RPS5: variants seen among roughly 807,000 people sequenced by gnomAD.
RPS5 encodes the protein small ribosomal subunit protein uS7.
RPS5 carries 2 observed loss-of-function variants against 20.9 expected under a neutral mutation model. The ratio of observed to expected loss-of-function variants is 0.10; its 90% CI spans 0.04 to 0.30. The LOEUF (loss-of-function observed/expected upper bound fraction) is 0.30, where lower values mean the gene tolerates loss of function less well. RPS5 is among the 10% of genes least tolerant of loss of function. The pLI is 1.00. For synonymous variants in RPS5, 112 were observed against 105.8 expected, an observed-to-expected ratio of 1.06 and a Z score of -0.36; for missense variants, 122 against 287.2, an observed-to-expected ratio of 0.42 and a Z score of 4.16.
intron 2 of RPS5, among the ~76,000 whole-genome samples, chr19:58,390,905 G>T (rs1390173612): frequency 6.6e-6 from 1 of 151,968 alleles, no homozygotes; most frequent in Non-Finnish European, 1.5e-5. Context: ...TCAGTGTCCT[G>T]TGTTCTTTTC....
intron 2 of RPS5, among the ~76,000 whole-genome samples, chr19:58,392,543 T>G (rs766475197): frequency 3.3e-5 from 5 of 151,532 alleles, no homozygotes; most frequent in Non-Finnish European, 5.9e-5. Flanking sequence ...GAGAACCATT[T>G]GAACCTCGGA....
rs896999305 is a variant in RPS5 at position 58,393,667 on chromosome 19, C to T, written c.447+180C>T. 19 of 692,732 alleles carry T rather than the reference C, an allele frequency of 2.7e-5. 1 individual carries two copies. The highest frequency in any genetic ancestry group is 3.7e-5 in the Non-Finnish European group (16 of 428,656). The allele number at this position is 692,732 out of a possible 1,614,324, so 42.9% of individuals were successfully genotyped here. ...GCTGATCCAGGCTCTGGGTCCTCTT[C>T]GGGAACACATTTGGCAGAGGTCTTC... is the stretch of plus-strand genomic sequence containing the variant. On this transcript the variant is annotated intron_variant, in intron 4 of 5. Coordinates refer to ENST00000196551, the MANE Select transcript of RPS5 (RefSeq NM_001009.4).
At chr19:58,390,892 G>C (rs952915629) in intron 2 of RPS5, among the ~76,000 whole-genome samples, 2 of 152,086 alleles carry the variant, frequency 1.3e-5, no homozygotes, top group Non-Finnish European at 2.9e-5. Flanking sequence ...AGTACTGAGA[G>C]TTTCAGTGTC....
chr19:58,390,295 T>C lies in RPS5; in HGVS notation c.108+2050T>C, dbSNP rs578036086. ...TGCAACCTCTGCCTCCCCAGGGTCA[T>C]GCGACTTTCCTGCCTCAGCCTCCCG... On this transcript the variant is annotated intron_variant, in intron 2 of 5. Coordinates refer to ENST00000196551, the MANE Select transcript of RPS5 (RefSeq NM_001009.4). 2.7e-5 allele frequency among the ~76,000 whole-genome samples: 4 copies of C among 149,504 alleles called. No individual in the cohort carries two copies. In the South Asian group the frequency reaches 8.5e-4, roughly 32 times the overall value.
At chr19:58,388,285 G>T in intron 2 of RPS5, 40 bp downstream of exon 2, 1 of 1,392,670 alleles carries the variant, frequency 7.2e-7, no homozygotes, top group Non-Finnish European at 1.0e-6. Context: ...GGCTGGGGGC[G>T]GACATTATTC....
At position 58,390,453 on chromosome 19, in the gene RPS5, T is replaced by A. The variant is rs531311597; in HGVS notation, c.108+2208T>A. Among the ~76,000 whole-genome samples the A allele has an allele frequency of 3.1e-3, 411 of 132,886 alleles. 2 individuals are homozygous for A. In the East Asian group the frequency reaches 0.069, roughly 22 times the overall value. 87.2% of individuals were successfully genotyped at this position (132,886 alleles called of 152,430 possible). A position where few individuals can be genotyped will look rare whatever the true frequency, so the allele number is the denominator to read the frequency against. ...TTTTTTTTTTTTTTTTTTTTTTTTT[T>A]TTGAGATGGAGTCGCTCTGTCACCC... On this transcript the variant is annotated intron_variant, in intron 2 of 5. Transcript: ENST00000196551.
rs907048542 is a variant in RPS5, at chr19:58,393,045, C to T, written c.178C>T (p.Arg60Cys). The T allele has an allele frequency of 1.2e-6, 2 of 1,614,022 alleles. No individual in the cohort carries two copies. The highest frequency in any genetic ancestry group is 2.2e-5 in the East Asian group (1 of 44,896). The change falls in exon 3 of 6, where the codon CGC (arginine) becomes TGC (cysteine). Residue 60 changes from arginine (R) to cysteine (C), a missense_variant. This residue lies in a region of RPS5 where 9 missense variants were observed against 45.4 expected (regional missense o/e 0.20). Coordinates refer to ENST00000196551, the MANE Select transcript of RPS5 (RefSeq NM_001009.4). ...CAGTGCAGGGCGGTATGCCGCCAAACGCTTCCGCAAAGCTCAGTGTCCCAT... is the reference window on the plus strand; with the variant it reads ...CAGTGCAGGGCGGTATGCCGCCAAATGCTTCCGCAAAGCTCAGTGTCCCAT... ...PHSAGRYAAK[R>C]FRKAQCPIVE...
intron 2 of RPS5, among the ~76,000 whole-genome samples, chr19:58,391,341 A>G (rs1000458424): frequency 1.3e-5 from 2 of 149,664 alleles, no homozygotes; most frequent in Non-Finnish European, 3.0e-5. Flanking sequence ...CTGATGCAGG[A>G]GAATCGCTTG....
intron 4 of RPS5, 28 bp from the exon 5 acceptor site, chr19:58,394,466 CCTT>C (rs1303216033): frequency 2.5e-6 from 4 of 1,601,052 alleles, no homozygotes; most frequent in African/African-American, 1.3e-5. Context: ...CGCAGTCTGT[CCTT>C]CTAGCCTGAC....
chr19:58,392,848 G>A, intron 2 of RPS5, 128 bp from the exon 3 acceptor site: 1 of 800,014 alleles, frequency 1.2e-6, no homozygotes, highest in South Asian at 1.7e-5. Context: ...CCCTGTTGAG[G>A]CATACCAGGA....
chr19:58,391,633 A>G (rs1376859283), intron 2 of RPS5, among the ~76,000 whole-genome samples: 1 of 151,220 alleles, frequency 6.6e-6, no homozygotes, highest in African/African-American at 2.4e-5. Flanking sequence ...CCCAAAAACA[A>G]AAAAGTTCTC....
At position 58,387,965 on chromosome 19, in the gene RPS5, C is replaced by T. The variant is rs1210849663; in HGVS notation, c.-1-172C>T. On this transcript the variant is annotated intron_variant, in intron 1 of 5. Coordinates refer to ENST00000196551, the MANE Select transcript of RPS5 (RefSeq NM_001009.4). ...GTGAAAGACAGATGCTTCTTGCTGA[C>T]AGCTGAGTAATTTTTCTAGTGCTTG... 1.0e-5 allele frequency: 6 copies of T among 598,682 alleles called. No homozygotes were observed. In the East Asian group the frequency reaches 1.4e-4, roughly 14 times the overall value. 37.1% of individuals were successfully genotyped at this position (598,682 alleles called of 1,614,324 possible).
At chr19:58,389,191 T>G (rs181936945) in intron 2 of RPS5, among the ~76,000 whole-genome samples, 14 of 152,302 alleles carry the variant, frequency 9.2e-5, no homozygotes, top group Admixed American at 6.5e-4. Context: ...TGTTTGAAAT[T>G]ATATTTTGTG....
At chr19:58,394,407 A>G in intron 4 of RPS5, 90 bp from the exon 5 acceptor site, 1 of 1,090,522 alleles carries the variant, frequency 9.2e-7, no homozygotes, top group East Asian at 2.4e-5. Flanking sequence ...TATGGGTGAC[A>G]ACGTGGCTGG....
rs564673381 is a variant in RPS5, at chr19:58,394,540, G to A, written c.491G>A (p.Arg164Gln). Residue 164 changes from arginine to glutamine, a missense_variant, in exon 5 of 6, where the codon CGG becomes CAG. Arg to Gln is a conservative substitution (Grantham distance 43). Coordinates refer to ENST00000196551, the MANE Select transcript of RPS5 (RefSeq NM_001009.4). Reference sequence around the variant, plus strand: ...ACAGGCGCTCGTGAGGCTGCCTTCCGGAACATTAAGACCATTGCTGAGTGC... The same window carrying A: ...ACAGGCGCTCGTGAGGCTGCCTTCCAGAACATTAAGACCATTGCTGAGTGC... ...LCTGAREAAF[R>Q]NIKTIAECLA... 12 of 1,614,048 alleles carry A rather than the reference G, an allele frequency of 7.4e-6. No individual in the cohort carries two copies. The highest frequency in any genetic ancestry group is 1.0e-5 in the Non-Finnish European group (12 of 1,180,000).
At chr19:58,392,795 C>T (rs1372884833) in intron 2 of RPS5, among the ~76,000 whole-genome samples, 181 bp from the exon 3 acceptor site, 1 of 152,160 alleles carries the variant, frequency 6.6e-6, no homozygotes, top group African/African-American at 2.4e-5. Context: ...GTCACCTGTT[C>T]AGGGTTTTTT....
chr19:58,387,947 A>G (rs777180884), intron 1 of RPS5, 190 bp from the exon 2 acceptor site: 7 of 590,272 alleles, frequency 1.2e-5, no homozygotes, highest in Non-Finnish European at 1.8e-5. Context: ...TAGGTGAAAG[A>G]CAGATGCTTC....
At chr19:58,387,946 G>C in intron 1 of RPS5, 191 bp from the exon 2 acceptor site, 1 of 589,830 alleles carries the variant, frequency 1.7e-6, no homozygotes, top group Admixed American at 3.0e-5. Flanking sequence ...CTAGGTGAAA[G>C]ACAGATGCTT....
chr19:58,394,409 C>A (rs565148028), intron 4 of RPS5, 88 bp from the exon 5 acceptor site: 11 of 1,111,942 alleles, frequency 9.9e-6, no homozygotes, highest in Non-Finnish European at 1.4e-5. Flanking sequence ...TGGGTGACAA[C>A]GTGGCTGGCA....
Sources: allele counts gnomAD v4.1 joint callset (sites outside exome capture counted in the v4.1 genomes callset), GRCh38; gene constraint gnomAD v4.1.1; regional missense constraint gnomAD v4.1.1; transcripts MANE v1.5; gene names NCBI Gene and HGNC (gene_info 2026-07-23, HGNC 2026-07-21).